DDX60: variants seen among roughly 807,000 people sequenced by gnomAD.
DDX60 encodes probable ATP-dependent RNA helicase DDX60.
In DDX60, 165 loss-of-function variants were observed where a neutral mutation model predicts 212.8. The observed-to-expected ratio is 0.78, with a 90% CI of 0.68 to 0.88. The LOEUF (loss-of-function observed/expected upper bound fraction) is 0.88, where lower values mean the gene tolerates loss of function less well. DDX60 is among the 40% of genes least tolerant of loss of function. DDX60 has a pLI of 0.00. For synonymous variants in DDX60, 703 were observed against 685.3 expected (o/e 1.03, Z -0.40); for missense variants, 1,905 against 2,003.9 (o/e 0.95, Z 0.94).
At chr4:168,308,882 C>G (rs2149552076) in intron 3 of DDX60, among the ~76,000 whole-genome samples, 1 of 151,970 alleles carries the variant, frequency 6.6e-6, no homozygotes, top group African/African-American at 2.4e-5. Context: ...TTTTAAGTTA[C>G]CTATGTCACG....
Position 168,237,808 on chromosome 4 carries a change from G to C in DDX60, c.4165-13C>G, listed in dbSNP as rs779227306. 1 of 1,580,256 alleles carries C rather than the reference G, an allele frequency of 6.3e-7. No individual in the cohort carries two copies. The highest frequency in any genetic ancestry group is 8.6e-7 in the Non-Finnish European group (1 of 1,160,398). ...GCACTGATAGCACCTTTAAAGAAAA[G>C]AGTATTTTTAGACACACAATGTTAA... On this transcript the variant is annotated splice_polypyrimidine_tract_variant and intron_variant, in intron 30 of 37. Coordinates refer to ENST00000393743, the MANE Select transcript of DDX60 (RefSeq NM_017631.6).
intron 5 of DDX60, among the ~76,000 whole-genome samples, chr4:168,303,741 T>C (rs28421493): frequency 0.069 from 10,530 of 152,200 alleles, 515 homozygotes; most frequent in Admixed American, 0.11. Context: ...CCCAGCACTT[T>C]GGGAGGCCAA....
rs1361259858 is a variant in DDX60, at chr4:168,237,576, T to A, written c.4269+115A>T. 6.1e-6 allele frequency: 7 copies of A among 1,142,750 alleles called. No individual in the cohort carries two copies. The East Asian group carries it at 1.1e-4, about 17-fold the overall frequency. 70.8% of individuals were successfully genotyped at this position (1,142,750 alleles called of 1,614,324 possible). A position where few individuals can be genotyped will look rare whatever the true frequency, so the allele number is the denominator to read the frequency against. ...CCAACTTTTATAATTATACCATTTA[T>A]AAATAATATCAATCATTGGATAGAA... On this transcript the variant is annotated intron_variant, in intron 31 of 37. Transcript: ENST00000393743.
chr4:168,260,320 T>C lies in DDX60; in HGVS notation c.3398+545A>G, dbSNP rs1415238572. Among the ~76,000 whole-genome samples the C allele has an allele frequency of 2.6e-5, 4 of 152,154 alleles. No homozygotes were observed. In the East Asian group the frequency reaches 7.7e-4, roughly 29 times the overall value. On this transcript the variant is annotated intron_variant, in intron 25 of 37. Coordinates refer to ENST00000393743, the MANE Select transcript of DDX60 (RefSeq NM_017631.6). ...TGATGTTCCCCTTCCTGTGTCCAAG[T>C]GTTCTCATTGTTCAATTCCCACCTA... is the stretch of plus-strand genomic sequence containing the variant.
chr4:168,275,279 T>G lies in DDX60; in HGVS notation c.2304+66A>C, dbSNP rs182434816. ...AATATAACATGTACAGCCACAATAA[T>G]GAGAAACCTCTGAGATCACATATAA... On this transcript the variant is annotated intron_variant, in intron 16 of 37. Transcript: ENST00000393743. The G allele has an allele frequency of 6.7e-4, 927 of 1,387,578 alleles. 2 individuals carry two copies. The highest frequency in any genetic ancestry group is 5.7e-3 in the African/African-American group (394 of 68,862). The allele number at this position is 1,387,578 out of a possible 1,614,324, so 86.0% of individuals were successfully genotyped here. A position where few individuals can be genotyped will look rare whatever the true frequency, so the allele number is the denominator to read the frequency against.
intron 5 of DDX60, among the ~76,000 whole-genome samples, chr4:168,302,646 A>G (rs1405011810): frequency 6.6e-6 from 1 of 152,198 alleles, no homozygotes; most frequent in East Asian, 1.9e-4. Flanking sequence ...ACAGCTTCAT[A>G]AAAGTATAAT....
At chr4:168,292,010 A>C in intron 7 of DDX60, 104 bp from the exon 8 acceptor site, 1 of 660,178 alleles carries the variant, frequency 1.5e-6, no homozygotes, top group Non-Finnish European at 2.4e-6. Flanking sequence ...GCTGTTCAGG[A>C]ATCATGAATT....
chr4:168,283,705 G>T, intron 12 of DDX60, 99 bp from the exon 13 acceptor site: 1 of 796,180 alleles, frequency 1.3e-6, no homozygotes, highest in South Asian at 2.3e-5. Context: ...TTAAATTAGT[G>T]GAAAAGTAAT....
intron 15 of DDX60, 72 bp downstream of exon 15, chr4:168,275,943 C>A: frequency 5.5e-6 from 7 of 1,277,748 alleles, no homozygotes; most frequent in Non-Finnish European, 7.3e-6. Flanking sequence ...GAAGAGATGA[C>A]TATCTTTGCA....
chr4:168,270,722 T>C (rs1735053074), intron 19 of DDX60, among the ~76,000 whole-genome samples: 1 of 152,156 alleles, frequency 6.6e-6, no homozygotes, highest in Non-Finnish European at 1.5e-5. Flanking sequence ...GCCTATTTGG[T>C]AGCTCCAAGT....
upstream of DDX60, among the ~76,000 whole-genome samples, chr4:168,319,809 G>C (rs1243399208): frequency 6.6e-6 from 1 of 152,134 alleles, no homozygotes; most frequent in Non-Finnish European, 1.5e-5. Context: ...TGTCTACAAG[G>C]AAAGGAAAGA....
chr4:168,320,301 G>C (rs1737572818), upstream of DDX60, among the ~76,000 whole-genome samples: 1 of 152,126 alleles, frequency 6.6e-6, no homozygotes, highest in African/African-American at 2.4e-5. Flanking sequence ...TCATCAGAAG[G>C]GCCTTTATAA....
rs1212249766 is a variant in DDX60 at position 168,286,903 on chromosome 4, TATAAG to T, written c.1339+140_1339+144del. The T allele has an allele frequency of 6.9e-6, 4 of 576,608 alleles. No individual in the cohort carries two copies. In the East Asian group the frequency reaches 1.2e-4, roughly 18 times the overall value. 35.7% of individuals were successfully genotyped at this position (576,608 alleles called of 1,614,324 possible). A position where few individuals can be genotyped will look rare whatever the true frequency, so the allele number is the denominator to read the frequency against. On this transcript the variant is annotated intron_variant, in intron 10 of 37. Transcript: ENST00000393743. ...TAGTCACAGCATACCACTCCAAGGA[TATAAG>T]AATAAAGGTAATTTATTTTTATTAT... is the stretch of plus-strand genomic sequence containing the variant.
chr4:168,261,939 AATGAT>A, intron 24 of DDX60, 56 bp downstream of exon 24: 3 of 1,539,838 alleles, frequency 1.9e-6, no homozygotes. Flanking sequence ...GTATTAACTG[AATGAT>A]ATAACTCAAG....
At chr4:168,259,757 T>G (rs1388722797) in intron 25 of DDX60, among the ~76,000 whole-genome samples, 1 of 151,196 alleles carries the variant, frequency 6.6e-6, no homozygotes, top group Non-Finnish European at 1.5e-5. Flanking sequence ...ACTATTTTGT[T>G]CAATTTTAAG....
chr4:168,232,230 T>C (rs1034602341), intron 33 of DDX60, among the ~76,000 whole-genome samples: 3 of 152,034 alleles, frequency 2.0e-5, no homozygotes, highest in East Asian at 1.9e-4. Flanking sequence ...CACAAGCAGA[T>C]TGAAACACAT....
rs181952807 is a variant in DDX60, at chr4:168,252,285, G to A, written c.3705+224C>T. 2.4e-3 allele frequency among the ~76,000 whole-genome samples: 360 copies of A among 152,340 alleles called. 1 individual carries two copies. Among genetic ancestry groups the A allele is most frequent in the Middle Eastern group, 0.01 (3 of 294 alleles). The stretch of plus-strand genomic sequence containing the variant: ...TGTGCTACTAGGGAATTTGACCTAG[G>A]AGACTCCTCCATGAACCCTGGCTTA... On this transcript the variant is annotated intron_variant, in intron 27 of 37. Transcript: ENST00000393743.
chr4:168,311,744 C>T (rs953391141), intron 1 of DDX60, among the ~76,000 whole-genome samples: 2 of 152,020 alleles, frequency 1.3e-5, no homozygotes, highest in Non-Finnish European at 2.9e-5. Flanking sequence ...AGAAAGAAGC[C>T]AGTAGGGCTG....
intron 26 of DDX60, among the ~76,000 whole-genome samples, chr4:168,253,051 C>T (rs563393717): frequency 2.8e-4 from 42 of 152,296 alleles, no homozygotes; most frequent in African/African-American, 9.4e-4. Flanking sequence ...GGTCCACCTG[C>T]CTCGGCCTCC....
Sources: gnomAD v4.1 joint callset for allele counts (sites outside exome capture counted in the v4.1 genomes callset) on GRCh38, gnomAD v4.1.1 for gene constraint, MANE v1.5 for transcripts, NCBI Gene and HGNC (gene_info 2026-07-23, HGNC 2026-07-21) for gene names.